The following KLF8 variants were observed in gnomAD, a reference collection of about 807,000 sequenced individuals.
The protein encoded by KLF8 is KLF transcription factor 8.
KLF8 carries 10 observed loss-of-function variants against 18.2 expected under a neutral mutation model. That is an observed-to-expected ratio of 0.55 (90% confidence interval 0.34 to 0.93). The LOEUF (loss-of-function observed/expected upper bound fraction) is 0.93, where lower values mean the gene tolerates loss of function less well. Among genes scored for constraint, KLF8 ranks in the 40% least tolerant of loss-of-function variants. The pLI is 0.02. For missense variants in KLF8, 264 were observed against 277.9 expected (o/e 0.95, Z 0.36); for synonymous variants, 109 against 97.3 (o/e 1.12, Z -0.71).
chrX:56,032,170 GTATAAAACAA>G, the KLF8 span, among the ~76,000 whole-genome samples: 4 of 110,860 alleles, frequency 3.6e-5, no homozygotes, highest in Non-Finnish European at 7.6e-5. Context: ...CAGGTACCGA[GTATAAAACAA>G]TATAAAACAA....
the KLF8 span, among the ~76,000 whole-genome samples, chrX:56,023,693 A>C: frequency 9.0e-6 from 1 of 111,293 alleles, no homozygotes; most frequent in South Asian, 3.8e-4. Context: ...GCAAGAGTTT[A>C]ATTTTTAGAG....
the KLF8 span, among the ~76,000 whole-genome samples, chrX:56,211,326 A>T: frequency 1.3e-4 from 15 of 112,507 alleles, no homozygotes; most frequent in Admixed American, 4.7e-4. Flanking sequence ...GAAGAATTCT[A>T]TGGGTTACCA....
chrX:56,181,144 C>T, the KLF8 span, among the ~76,000 whole-genome samples: 1 of 111,351 alleles, frequency 9.0e-6, no homozygotes, highest in African/African-American at 3.3e-5. Context: ...ATCTTGGTGC[C>T]TCTGTCTTGG....
the KLF8 span, among the ~76,000 whole-genome samples, chrX:56,081,144 C>T: frequency 8.8e-4 from 98 of 111,594 alleles, no homozygotes; most frequent in Non-Finnish European, 1.5e-3. Flanking sequence ...CTTCTCTCAG[C>T]TTGTCAAAGT....
the KLF8 span, among the ~76,000 whole-genome samples, chrX:56,192,559 T>A: frequency 8.9e-6 from 1 of 111,969 alleles, no homozygotes. Flanking sequence ...AATACCTGAC[T>A]ACAAATTATG....
At chrX:56,081,156 A>G in the KLF8 span, among the ~76,000 whole-genome samples, 1 of 111,874 alleles carries the variant, frequency 8.9e-6, no homozygotes, top group Non-Finnish European at 1.9e-5. Context: ...TGTCAAAGTC[A>G]TTCTCCATCC....
chrX:56,167,854 C>A, the KLF8 span, among the ~76,000 whole-genome samples: 1 of 112,257 alleles, frequency 8.9e-6, no homozygotes. Flanking sequence ...AGTTTTAAAG[C>A]AAAATCAAAC....
chrX:56,160,259 T>G, the KLF8 span, among the ~76,000 whole-genome samples: 2 of 111,983 alleles, frequency 1.8e-5, no homozygotes, highest in African/African-American at 6.5e-5. Flanking sequence ...AGAGACAGTT[T>G]GTTATAATTT....
At chrX:56,204,630 A>T in the KLF8 span, among the ~76,000 whole-genome samples, 2 of 110,823 alleles carry the variant, frequency 1.8e-5, no homozygotes, top group African/African-American at 6.6e-5. Flanking sequence ...TTTTTTTATC[A>T]TAAAGGGATG....
chrX:56,198,508 A>G, the KLF8 span, among the ~76,000 whole-genome samples: 73 of 112,072 alleles, frequency 6.5e-4, 1 homozygote, highest in East Asian at 9.0e-3. Flanking sequence ...AGAGAATAAA[A>G]TATGCAGGAA....
At chrX:56,208,604 A>T in the KLF8 span, among the ~76,000 whole-genome samples, 2 of 111,381 alleles carry the variant, frequency 1.8e-5, no homozygotes, top group African/African-American at 3.3e-5. Flanking sequence ...GAGCACTTAT[A>T]GCTGTAAACT....
chrX:55,958,514 C>T, the KLF8 span, among the ~76,000 whole-genome samples: 1 of 111,821 alleles, frequency 8.9e-6, no homozygotes, highest in African/African-American at 3.3e-5. Flanking sequence ...ATTTTCTTTT[C>T]TTTTTGTTCC....
chrX:55,951,177 A>G, the KLF8 span, among the ~76,000 whole-genome samples: 2 of 111,284 alleles, frequency 1.8e-5, no homozygotes, highest in South Asian at 3.8e-4. Context: ...GGCTTGTTGT[A>G]TGTAAGAGAT....
the KLF8 span, among the ~76,000 whole-genome samples, chrX:56,033,741 G>T: frequency 9.0e-6 from 1 of 111,492 alleles, no homozygotes; most frequent in Admixed American, 9.5e-5. Flanking sequence ...GTTTTAATTT[G>T]CATTTCCCTA....
At chrX:56,153,721 CT>C in the KLF8 span, among the ~76,000 whole-genome samples, 1 of 111,460 alleles carries the variant, frequency 9.0e-6, no homozygotes, top group African/African-American at 3.3e-5. Context: ...TGATAGGCAA[CT>C]TCAGCGAAGT....
the KLF8 span, among the ~76,000 whole-genome samples, chrX:56,059,612 C>A: frequency 1.4e-4 from 16 of 111,888 alleles, no homozygotes; most frequent in South Asian, 3.0e-3. Flanking sequence ...AAATAGGGAA[C>A]CCTTTCCCCA....
chrX:56,066,288 G>T, the KLF8 span, among the ~76,000 whole-genome samples: 3 of 112,195 alleles, frequency 2.7e-5, no homozygotes, highest in East Asian at 8.5e-4. Flanking sequence ...GGTGATGAAT[G>T]GGGCAGGGTG....
At chrX:55,920,721 A>C in the KLF8 span, among the ~76,000 whole-genome samples, 1 of 111,579 alleles carries the variant, frequency 9.0e-6, no homozygotes, top group Non-Finnish European at 1.9e-5. Context: ...ATCAAAGACA[A>C]AGAAAAAAGA....
the KLF8 span, among the ~76,000 whole-genome samples, chrX:56,186,580 T>A: frequency 1.8e-5 from 2 of 111,667 alleles, no homozygotes; most frequent in African/African-American, 6.5e-5. Context: ...TACATTCTTT[T>A]CAGCACCACA....
Sources: gnomAD v4.1 joint callset for allele counts (sites outside exome capture counted in the v4.1 genomes callset) on GRCh38, gnomAD v4.1.1 for gene constraint, MANE v1.5 for transcripts, NCBI Gene and HGNC (gene_info 2026-07-23, HGNC 2026-07-21) for gene names.